Variants in TNS1 observed in about 807,000 individuals in gnomAD.
TNS1 encodes the protein tensin-1.
A neutral mutation model predicts 168.6 loss-of-function variants in TNS1; 62 were observed. The ratio of observed to expected loss-of-function variants is 0.37; its 90% confidence interval spans 0.30 to 0.45. The LOEUF (loss-of-function observed/expected upper bound fraction) is 0.45. Ranked by LOEUF, TNS1 falls within the 20% of genes least tolerant of loss-of-function variation. The pLI is 1.00. For synonymous variants in TNS1, 934 were observed against 933.2 expected (o/e 1.00, Z -0.02); for missense variants, 2,240 against 2,339.4 (o/e 0.96, Z 0.88).
intron 22 of TNS1, among the ~76,000 whole-genome samples, chr2:217,824,109 G>C (rs1214670890): frequency 6.6e-6 from 1 of 152,252 alleles, no homozygotes; most frequent in African/African-American, 2.4e-5. Flanking sequence ...GTTGTGGTGT[G>C]ACAGCTTACA....
chr2:217,902,460 T>C (rs1161176583), intron 6 of TNS1, among the ~76,000 whole-genome samples: 1 of 151,980 alleles, frequency 6.6e-6, no homozygotes, highest in Non-Finnish European at 1.5e-5. Flanking sequence ...GCCATATTGA[T>C]ATGGGCTTGG....
chr2:217,807,944 G>GT, intron 32 of TNS1, 131 bp downstream of exon 32: 2 of 1,093,606 alleles, frequency 1.8e-6, no homozygotes, highest in Non-Finnish European at 2.7e-6. Flanking sequence ...CGGAAGCTGA[G>GT]TGACCTTGGC....
intron 9 of TNS1, among the ~76,000 whole-genome samples, chr2:217,894,165 C>A (rs1474763499): frequency 6.6e-6 from 1 of 152,180 alleles, no homozygotes; most frequent in East Asian, 1.9e-4. Flanking sequence ...GACTCACCAA[C>A]TTTAAAGTAA....
chr2:218,011,713 A>G (rs752289314), upstream of TNS1, among the ~76,000 whole-genome samples: 5 of 151,850 alleles, frequency 3.3e-5, no homozygotes, highest in Non-Finnish European at 7.4e-5. Flanking sequence ...CAGATTCCTC[A>G]GGCCCTGCCC....
chr2:217,830,030 A>G, intron 22 of TNS1: 1 of 1,468,852 alleles, frequency 6.8e-7, no homozygotes, highest in East Asian at 2.5e-5. Context: ...GAGAAAACGG[A>G]GATGGGAAAG....
At chr2:217,867,556 T>C (rs1949387295) in intron 18 of TNS1, among the ~76,000 whole-genome samples, 1 of 152,242 alleles carries the variant, frequency 6.6e-6, no homozygotes, top group South Asian at 2.1e-4. Context: ...TACAGAAAGA[T>C]CTTTACAATG....
At chr2:217,914,528 T>G (rs1559349696) in intron 4 of TNS1, among the ~76,000 whole-genome samples, 1 of 152,204 alleles carries the variant, frequency 6.6e-6, no homozygotes, top group Non-Finnish European at 1.5e-5. Flanking sequence ...TTGTTTTTGT[T>G]TTGACACGGA....
chr2:218,022,062 G>T (rs1574483385), intron 1 of TNS1, among the ~76,000 whole-genome samples: 1 of 152,144 alleles, frequency 6.6e-6, no homozygotes, highest in African/African-American at 2.4e-5. Flanking sequence ...GCATCGGGGG[G>T]CGAGGAGGAA....
chr2:217,848,887 C>T lies in TNS1; in HGVS notation c.1630G>A (p.Asp544Asn), dbSNP rs770287849. 2.0e-5 allele frequency: 32 copies of T among 1,613,960 alleles called. No individual in the cohort carries two copies. The highest frequency in any genetic ancestry group is 1.4e-5 in the Non-Finnish European group (17 of 1,179,994). The change falls in exon 19 of 33, where the codon GAC (aspartate) becomes AAC (asparagine). Residue 544 changes from aspartate (D) to asparagine (N), a missense_variant. By Grantham distance (23) the Asp-to-Asn change is conservative. Around this residue, in one of 2 missense-constraint regions of TNS1, gnomAD observed 2,131 missense variants for 2,171.2 expected, o/e 0.98. Transcript: ENST00000682258. ...CTGGAGGCCCCGGGGACAGGCTCGT[C>T]GGTCTTGTCGGTCTTGGTGGAGGCT... ...STASTKTDKT[D>N]EPVPGASSAT...
intron 6 of TNS1, chr2:217,901,634 G>C (rs1283972893): frequency 6.6e-6 from 1 of 152,178 alleles, no homozygotes; most frequent in African/African-American, 2.4e-5. Flanking sequence ...CTACCGCCAA[G>C]TTGCAGCCTC....
At chr2:217,966,417 C>T (rs1045129647) in intron 3 of TNS1, among the ~76,000 whole-genome samples, 1 of 152,164 alleles carries the variant, frequency 6.6e-6, no homozygotes, top group African/African-American at 2.4e-5. Context: ...AAAGTAGCTT[C>T]TCCCCCAAAA....
intron 18 of TNS1, among the ~76,000 whole-genome samples, chr2:217,855,708 A>C (rs890248743): frequency 6.6e-6 from 1 of 152,164 alleles, no homozygotes; most frequent in Non-Finnish European, 1.5e-5. Context: ...TGCTTGTTCC[A>C]TAAATGCTTC....
At chr2:218,019,100 A>T (rs1047206248) in intron 1 of TNS1, among the ~76,000 whole-genome samples, 3 of 152,122 alleles carry the variant, frequency 2.0e-5, no homozygotes, top group Non-Finnish European at 4.4e-5. Context: ...AAAACAAAAA[A>T]AAAATAAAGG....
At chr2:217,879,385 T>C in intron 18 of TNS1, 1 of 449,528 alleles carries the variant, frequency 2.2e-6, no homozygotes, top group Non-Finnish European at 4.4e-6. Context: ...TCAGAACAAA[T>C]TCGCTCCAGC....
Position 217,995,719 on chromosome 2 carries a change from CA to C in TNS1, c.34-4664del, listed in dbSNP as rs1486633715. ...AACCTACTTAGGGAAAACTCAGGGG[CA>C]AAAGGAGACACAGCCACAGCTGGGA... On this transcript the variant is annotated intron_variant, in intron 1 of 32. Coordinates refer to ENST00000682258, the MANE Select transcript of TNS1 (RefSeq NM_001387777.1). This position sits in a 1 kb window ranked among gnomAD's most constrained non-coding sequence, Gnocchi z 4.1. 1.3e-5 allele frequency among the ~76,000 whole-genome samples: 2 copies of C among 152,268 alleles called. No individual in the cohort carries two copies. The highest frequency in any genetic ancestry group is 4.8e-5 in the African/African-American group (2 of 41,550).
chr2:217,825,145 T>C (rs377167518), intron 22 of TNS1, among the ~76,000 whole-genome samples: 74 of 152,334 alleles, frequency 4.9e-4, no homozygotes, highest in African/African-American at 1.7e-3. Flanking sequence ...CCTGATCTAC[T>C]CTCTACCCTG....
rs1057385030 is a variant in TNS1 at position 217,801,735 on chromosome 2, T to A, written c.*2724A>T. On this transcript the variant is annotated 3_prime_UTR_variant, in exon 33 of 33. Transcript: ENST00000682258. The stretch of plus-strand genomic sequence containing the variant: ...GTGTGCATGGGTGCACAGCCCGCCG[T>A]GACACAGAAGGGCTCTGGTGCAGGG... The A allele has an allele frequency of 3.9e-5, 6 of 152,244 alleles. No homozygotes were observed. The highest frequency in any genetic ancestry group is 2.6e-4 in the Admixed American group (4 of 15,288). 9.4% of individuals were successfully genotyped at this position (152,244 alleles called of 1,614,324 possible). A position where few individuals can be genotyped will look rare whatever the true frequency, so the allele number is the denominator to read the frequency against.
rs1957161109 is a variant in TNS1 at position 217,948,250 on chromosome 2, G to C, written c.187-28014C>G. 6.6e-6 allele frequency among the ~76,000 whole-genome samples: 1 copy of C among 152,160 alleles called. No homozygotes were observed. Among genetic ancestry groups the C allele is most frequent in the Admixed American group, 6.5e-5 (1 of 15,286 alleles). Reference sequence around the variant, plus strand: ...TCCCCAACTCTTCCTGTGATGGGTGGGAAGTGTTAGTCTCTGGGGCAATTA... The same window carrying C: ...TCCCCAACTCTTCCTGTGATGGGTGCGAAGTGTTAGTCTCTGGGGCAATTA... On this transcript the variant is annotated intron_variant, in intron 3 of 32. Transcript: ENST00000682258. The surrounding 1 kb of genome is among the most constrained non-coding windows in gnomAD (Gnocchi z 4.1).
chr2:217,906,052 C>T (rs572237663), intron 6 of TNS1, among the ~76,000 whole-genome samples: 1 of 152,322 alleles, frequency 6.6e-6, no homozygotes, highest in South Asian at 2.1e-4. Flanking sequence ...CCCTTGATCC[C>T]CATGGCCACT....
Sources: gnomAD v4.1 joint callset for allele counts (sites outside exome capture counted in the v4.1 genomes callset) on GRCh38, gnomAD v4.1.1 for gene constraint, gnomAD v4.1.1 regional missense constraint, Gnocchi (gnomAD v3.1) non-coding constraint, MANE v1.5 for transcripts, NCBI Gene and HGNC (gene_info 2026-07-23, HGNC 2026-07-21) for gene names.